The following KCNS3 variants were observed in gnomAD, a reference collection of about 807,000 sequenced individuals.
KCNS3 encodes potassium voltage-gated channel modifier subfamily S member 3.
Under a neutral mutation model 31.0 loss-of-function variants are expected in KCNS3, and 13 were observed. The observed-to-expected ratio is 0.42, with a 90% CI of 0.27 to 0.67. The LOEUF is 0.67. Ranked by LOEUF, KCNS3 falls within the 30% of genes least tolerant of loss-of-function variation. The pLI, the probability that KCNS3 is intolerant of heterozygous loss-of-function variation, is 0.25. For missense variants in KCNS3, 545 were observed against 622.4 expected (o/e 0.88, Z 1.32); for synonymous variants, 238 against 241.5 (o/e 0.99, Z 0.13).
At chr2:17,903,087 T>G (rs1052886956) in intron 1 of KCNS3, among the ~76,000 whole-genome samples, 1 of 152,194 alleles carries the variant, frequency 6.6e-6, no homozygotes, top group Admixed American at 6.6e-5. Flanking sequence ...TTGTTGTGAT[T>G]TTTCTTTTTT....
At chr2:17,908,469 C>T (rs907347585) in intron 1 of KCNS3, among the ~76,000 whole-genome samples, 1 of 152,242 alleles carries the variant, frequency 6.6e-6, no homozygotes, top group African/African-American at 2.4e-5. Flanking sequence ...TCGTCAAAGA[C>T]ATTCTCCATC....
intron 1 of KCNS3, among the ~76,000 whole-genome samples, chr2:17,904,481 A>G (rs1440106638): frequency 1.3e-5 from 2 of 151,916 alleles, no homozygotes; most frequent in African/African-American, 2.4e-5. Flanking sequence ...CCATTTGTCA[A>G]TTTTGGCTTT....
At position 17,901,715 on chromosome 2, in the gene KCNS3, C is replaced by CCTGCAGATTGTGTCCAGGCTGCAGATGT. The variant is rs558822254; in HGVS notation, c.-251-15962_-251-15935dup. ...TGGGGAGATGACACAAAGCTGGAGG[C>CCTGCAGATTGTGTCCAGGCTGCAGATGT]CTGCAGATTGTGTCCAGGCTGCAGA... On this transcript the variant is annotated intron_variant, in intron 1 of 2. Coordinates refer to ENST00000304101, the MANE Select transcript of KCNS3 (RefSeq NM_002252.5). 6.2e-4 allele frequency among the ~76,000 whole-genome samples: 95 copies of CCTGCAGATTGTGTCCAGGCTGCAGATGT among 152,116 alleles called. 3 individuals are homozygous for CCTGCAGATTGTGTCCAGGCTGCAGATGT. The East Asian group carries it at 0.018, about 29-fold the overall frequency.
At chr2:17,904,270 T>C (rs1662259825) in intron 1 of KCNS3, among the ~76,000 whole-genome samples, 1 of 152,044 alleles carries the variant, frequency 6.6e-6, no homozygotes, top group African/African-American at 2.4e-5. Context: ...TTGAGAAGTG[T>C]CTGTTCATAT....
At chr2:17,924,221 C>A (rs1662784112) in intron 2 of KCNS3, among the ~76,000 whole-genome samples, 2 of 151,750 alleles carry the variant, frequency 1.3e-5, no homozygotes, top group African/African-American at 4.8e-5. Context: ...TGCAAAATTG[C>A]TGAACTTATT....
At chr2:17,884,598 G>A (rs1383416967) in intron 1 of KCNS3, among the ~76,000 whole-genome samples, 1 of 152,054 alleles carries the variant, frequency 6.6e-6, no homozygotes, top group African/African-American at 2.4e-5. Flanking sequence ...GTGAGGAAGT[G>A]CAGACCATAC....
intron 1 of KCNS3, among the ~76,000 whole-genome samples, chr2:17,892,284 G>T (rs1408793010): frequency 6.7e-6 from 1 of 148,418 alleles, no homozygotes; most frequent in South Asian, 2.1e-4. Flanking sequence ...AATTTTTATT[G>T]TTTTTTTTTT....
chr2:17,902,827 T>C (rs1441309425), intron 1 of KCNS3, among the ~76,000 whole-genome samples: 1 of 152,224 alleles, frequency 6.6e-6, no homozygotes, highest in Non-Finnish European at 1.5e-5. Flanking sequence ...ATCACTTCTA[T>C]TACAATCTGG....
At chr2:17,895,266 A>C (rs1047498097) in intron 1 of KCNS3, among the ~76,000 whole-genome samples, 1 of 152,206 alleles carries the variant, frequency 6.6e-6, no homozygotes, top group Non-Finnish European at 1.5e-5. Flanking sequence ...ATACTACAGC[A>C]ATAGACACTT....
intron 2 of KCNS3, among the ~76,000 whole-genome samples, chr2:17,921,120 A>T (rs565122448): frequency 6.6e-6 from 1 of 152,342 alleles, no homozygotes; most frequent in East Asian, 1.9e-4. Context: ...AGAATAAAAG[A>T]GTGAATAATA....
At chr2:17,913,342 C>T (rs928259069) in intron 1 of KCNS3, among the ~76,000 whole-genome samples, 1 of 152,264 alleles carries the variant, frequency 6.6e-6, no homozygotes, top group African/African-American at 2.4e-5. Flanking sequence ...AAGGTTGGAA[C>T]TTCGGTCAGG....
intron 2 of KCNS3, among the ~76,000 whole-genome samples, chr2:17,921,956 T>TATATAA (rs1572501102): frequency 1.5e-5 from 2 of 136,732 alleles, no homozygotes; most frequent in Non-Finnish European, 3.1e-5. Context: ...TATATATATA[T>TATATAA]ATAAATACAT....
intron 1 of KCNS3, among the ~76,000 whole-genome samples, chr2:17,906,407 A>G (rs1363046550): frequency 6.6e-6 from 1 of 152,038 alleles, no homozygotes; most frequent in Non-Finnish European, 1.5e-5. Flanking sequence ...TTTTCAAAAA[A>G]CCAGCTCCTG....
rs559452968 is a variant in KCNS3 at position 17,888,026 on chromosome 2, T to G, written c.-252+9220T>G. 5.3e-4 allele frequency among the ~76,000 whole-genome samples: 71 copies of G among 134,426 alleles called. 1 individual carries two copies. In the South Asian group the frequency reaches 0.016, roughly 29 times the overall value. 88.2% of individuals were successfully genotyped at this position (134,426 alleles called of 152,430 possible). On this transcript the variant is annotated intron_variant, in intron 1 of 2. Coordinates refer to ENST00000304101, the MANE Select transcript of KCNS3 (RefSeq NM_002252.5). ...GCCCACTTTTTGATGGGATTTTTTG[T>G]TTTTTTTGTGCTGATTTGTTTGAGT... is the stretch of plus-strand genomic sequence containing the variant.
chr2:17,911,445 C>T (rs1205256295), intron 1 of KCNS3, among the ~76,000 whole-genome samples: 1 of 152,156 alleles, frequency 6.6e-6, no homozygotes, highest in Non-Finnish European at 1.5e-5. Flanking sequence ...TTCCTCTGCC[C>T]AGATGCTGAC....
chr2:17,930,007 G>A lies in KCNS3; in HGVS notation c.-59-943G>A, dbSNP rs141422677. ...TTTGTATCATCTGTTCTGAGGAAAC[G>A]TCATTGCATTGGGTGAGGATCAAAA... On this transcript the variant is annotated intron_variant, in intron 2 of 2. Coordinates refer to ENST00000304101, the MANE Select transcript of KCNS3 (RefSeq NM_002252.5). Among the ~76,000 whole-genome samples, 85 of 152,282 alleles carry A rather than the reference G, an allele frequency of 5.6e-4. No homozygotes were observed. In the East Asian group the frequency reaches 0.015, roughly 27 times the overall value.
In KCNS3 at chr2:17,931,826, A is replaced by G; in HGVS notation, c.818A>G (p.Asp273Gly). 2.5e-6 allele frequency: 4 copies of G among 1,614,188 alleles called. No homozygotes were observed. Among genetic ancestry groups the G allele is most frequent in the Non-Finnish European group, 3.4e-6 (4 of 1,180,040 alleles). Residue 273 changes from aspartate (D) to glycine (G), a missense_variant, in exon 3 of 3, where the codon GAC (aspartate) becomes GGC (glycine). Physicochemically the swap from Asp to Gly is moderately conservative, Grantham distance 94. Transcript: ENST00000304101. This position sits in a 1 kb window ranked among gnomAD's most constrained non-coding sequence, Gnocchi z 5.4. ...IIPFYATLAV[D>G]TKEEESEDIE... ...CCCTTCTATGCCACGTTGGCTGTAG[A>G]CACCAAGGAGGAAGAGAGTGAGGAT...
chr2:17,887,850 T>A (rs1661717588), intron 1 of KCNS3, among the ~76,000 whole-genome samples: 1 of 152,176 alleles, frequency 6.6e-6, no homozygotes. Flanking sequence ...TTTTTTGATT[T>A]TTTTATTATG....
In KCNS3 at chr2:17,889,507, G is replaced by A. The variant is rs148904876; in HGVS notation, c.-252+10701G>A. On this transcript the variant is annotated intron_variant, in intron 1 of 2. Transcript: ENST00000304101. ...GAGTGGGCATCCTTGTCTTGTTCCC[G>A]TTCTCAGAGAGAATGCTTTCAACTT... Among the ~76,000 whole-genome samples the A allele has an allele frequency of 9.8e-3, 1,489 of 152,206 alleles. 76 individuals carry two copies. The highest frequency in any genetic ancestry group is 0.089 in the Admixed American group (1,367 of 15,276).
Sources: gnomAD v4.1 joint callset for allele counts (sites outside exome capture counted in the v4.1 genomes callset) on GRCh38, gnomAD v4.1.1 for gene constraint, Gnocchi (gnomAD v3.1) non-coding constraint, MANE v1.5 for transcripts, NCBI Gene and HGNC (gene_info 2026-07-23, HGNC 2026-07-21) for gene names.